GLI3: variants seen among roughly 807,000 people sequenced by gnomAD.
GLI3 encodes the protein GLI family zinc finger 3.
Under a neutral mutation model 100.8 loss-of-function variants are expected in GLI3, and 20 were observed. The ratio of observed to expected loss-of-function variants is 0.20; its 90% CI spans 0.14 to 0.29. The LOEUF (loss-of-function observed/expected upper bound fraction) is 0.29. GLI3 is among the 10% of genes least tolerant of loss of function. The pLI, the probability that GLI3 is intolerant of heterozygous loss-of-function variation, is 1.00. For missense variants in GLI3, 2,040 were observed against 2,128.5 expected (o/e 0.96, Z 0.82); for synonymous variants, 938 against 860.5 (o/e 1.09, Z -1.58).
chr7:42,009,349 T>C (rs1024239200), intron 10 of GLI3, among the ~76,000 whole-genome samples: 1 of 152,142 alleles, frequency 6.6e-6, no homozygotes, highest in African/African-American at 2.4e-5. Context: ...AACACGTTTA[T>C]GATAATAAAA....
chr7:42,198,802 C>A (rs1407525879), intron 2 of GLI3, among the ~76,000 whole-genome samples: 1 of 151,926 alleles, frequency 6.6e-6, no homozygotes, highest in African/African-American at 2.4e-5. Flanking sequence ...ACAGGCGGCA[C>A]ACACAGATTA....
chr7:42,098,520 C>T (rs762439179), intron 3 of GLI3, among the ~76,000 whole-genome samples: 1 of 152,170 alleles, frequency 6.6e-6, no homozygotes, highest in Non-Finnish European at 1.5e-5. Flanking sequence ...ACCTTGTACA[C>T]ATGACTCCAT....
intron 7 of GLI3, among the ~76,000 whole-genome samples, chr7:42,033,520 A>C (rs1005198838): frequency 9.2e-5 from 14 of 152,190 alleles, no homozygotes; most frequent in Admixed American, 7.9e-4. Flanking sequence ...ATTGGAAGTA[A>C]AGTCAGGCAA....
At chr7:42,207,421 G>C (rs774854839) in intron 2 of GLI3, among the ~76,000 whole-genome samples, 1 of 152,188 alleles carries the variant, frequency 6.6e-6, no homozygotes, top group Non-Finnish European at 1.5e-5. Context: ...TAAAAAGCGA[G>C]GTAAGGTTTT....
At chr7:42,119,205 T>C (rs753446851) in intron 3 of GLI3, among the ~76,000 whole-genome samples, 11 of 152,236 alleles carry the variant, frequency 7.2e-5, no homozygotes, top group Non-Finnish European at 1.6e-4. Context: ...TCAATGAATG[T>C]GTCCTGTGTC....
chr7:42,055,081 A>G (rs1386856128), intron 4 of GLI3, among the ~76,000 whole-genome samples: 1 of 136,346 alleles, frequency 7.3e-6, no homozygotes, highest in Non-Finnish European at 1.5e-5. Context: ...ATATATATGT[A>G]TATATACATA....
chr7:42,258,841 A>G (rs1462876717), intron 1 of GLI3, among the ~76,000 whole-genome samples: 1 of 152,240 alleles, frequency 6.6e-6, no homozygotes, highest in African/African-American at 2.4e-5. Flanking sequence ...CCTGGGGATT[A>G]GGATTTCAAC....
intron 2 of GLI3, among the ~76,000 whole-genome samples, chr7:42,196,642 C>G (rs1489676583): frequency 6.6e-6 from 1 of 152,148 alleles, no homozygotes; most frequent in Non-Finnish European, 1.5e-5. Context: ...ACCTTATGAA[C>G]CTGGTGAAGA....
In GLI3 at chr7:42,011,787, T is replaced by G. The variant is rs149107430; in HGVS notation, c.1497+11681A>C. ...GGGGGAATGGGAGGTAACCGCTTCATGCATACAGAGCTGCCTTGTGGGGTG... is the reference window on the plus strand; with the variant it reads ...GGGGGAATGGGAGGTAACCGCTTCAGGCATACAGAGCTGCCTTGTGGGGTG... On this transcript the variant is annotated intron_variant, in intron 10 of 14. Transcript: ENST00000395925. 5.8e-3 allele frequency among the ~76,000 whole-genome samples: 877 copies of G among 152,314 alleles called. 12 individuals are homozygous for G. Among genetic ancestry groups the G allele is most frequent in the African/African-American group, 0.02 (834 of 41,570 alleles).
intron 1 of GLI3, among the ~76,000 whole-genome samples, chr7:42,255,070 G>A (rs562833562): frequency 7.3e-6 from 1 of 137,860 alleles, no homozygotes; most frequent in South Asian, 2.2e-4. Context: ...TTTTTTTTCT[G>A]TTTCTGTTTT....
At chr7:42,028,793 AT>A (rs1183800647) in intron 7 of GLI3, among the ~76,000 whole-genome samples, 5 of 150,328 alleles carry the variant, frequency 3.3e-5, no homozygotes, top group African/African-American at 1.2e-4. Flanking sequence ...AATAATAATA[AT>A]AATAAATAAA....
chr7:42,053,626 T>C (rs1266767268), intron 4 of GLI3, among the ~76,000 whole-genome samples: 1 of 152,170 alleles, frequency 6.6e-6, no homozygotes, highest in African/African-American at 2.4e-5. Context: ...TTTTAGTAGA[T>C]ACACACAGAA....
At chr7:41,994,928 A>G (rs1004924624) in intron 10 of GLI3, among the ~76,000 whole-genome samples, 1 of 152,218 alleles carries the variant, frequency 6.6e-6, no homozygotes, top group Non-Finnish European at 1.5e-5. Flanking sequence ...TGAACAGAAT[A>G]TTAATTTAGT....
upstream of GLI3, among the ~76,000 whole-genome samples, chr7:42,264,240 G>A (rs1328979322): frequency 6.6e-6 from 1 of 152,208 alleles, no homozygotes; most frequent in Middle Eastern, 3.2e-3. Context: ...ATGAATGCCA[G>A]TTAGGGCTCA....
In GLI3 at chr7:42,026,185, C is replaced by T; in HGVS notation, c.1242+14G>A. The stretch of plus-strand genomic sequence containing the variant: ...TGACCAGCACGGCCGGGTGCATCGA[C>T]CTGTCCCTCTCACCTGTGAGGACTC... On this transcript the variant is annotated intron_variant, in intron 8 of 14. Transcript: ENST00000395925. 6.3e-7 allele frequency: 1 copy of T among 1,598,794 alleles called. No individual in the cohort carries two copies. Among genetic ancestry groups the T allele is most frequent in the Non-Finnish European group, 8.6e-7 (1 of 1,168,756 alleles).
At chr7:42,224,683 C>T (rs1156521792) in intron 1 of GLI3, among the ~76,000 whole-genome samples, 1 of 152,252 alleles carries the variant, frequency 6.6e-6, no homozygotes, top group Non-Finnish European at 1.5e-5. Flanking sequence ...AGACACCCCT[C>T]AAAGGGCACT....
chr7:42,078,726 G>GTTTT (rs10709803), intron 3 of GLI3, among the ~76,000 whole-genome samples: 1 of 94,670 alleles, frequency 1.1e-5, no homozygotes, highest in African/African-American at 3.6e-5. Flanking sequence ...ATTTATCACA[G>GTTTT]TTTTTTTTTT....
intron 2 of GLI3, among the ~76,000 whole-genome samples, chr7:42,195,916 T>C (rs148779193): frequency 1.1e-3 from 169 of 152,354 alleles, no homozygotes; most frequent in African/African-American, 4.0e-3. Context: ...CTATGTATCT[T>C]GGCTCTAACT....
At chr7:42,241,254 G>T (rs2128708914), upstream of GLI3, among the ~76,000 whole-genome samples, 1 of 152,276 alleles carries the variant, frequency 6.6e-6, no homozygotes, top group Middle Eastern at 3.4e-3. Context: ...GTGGCCAGAG[G>T]CAGCTGCATT....
Sources: gnomAD v4.1 joint callset for allele counts (sites outside exome capture counted in the v4.1 genomes callset) on GRCh38, gnomAD v4.1.1 for gene constraint, MANE v1.5 for transcripts, NCBI Gene and HGNC (gene_info 2026-07-23, HGNC 2026-07-21) for gene names.